CNGA3: variants seen among roughly 807,000 people sequenced by gnomAD.
CNGA3 encodes the protein cyclic nucleotide-gated channel alpha-3.
In CNGA3, 42 loss-of-function variants were observed where a neutral mutation model predicts 46.6. The observed-to-expected ratio is 0.90, with a 90% CI of 0.70 to 1.17. The LOEUF is 1.17. Ranked by LOEUF, CNGA3 falls within the 50% of genes most tolerant of loss-of-function variation. CNGA3 has a pLI of 0.00. For missense variants in CNGA3, 893 were observed against 890.7 expected (o/e 1.00, Z -0.03); for synonymous variants, 394 against 369.4 (o/e 1.07, Z -0.76).
intron 7 of CNGA3, among the ~76,000 whole-genome samples, chr2:98,392,353 A>C (rs942873737): frequency 6.6e-6 from 1 of 152,174 alleles, no homozygotes; most frequent in Non-Finnish European, 1.5e-5. Flanking sequence ...GGAGGTCAGG[A>C]GTTCGAGACC....
chr2:98,390,147 T>C (rs573744460), intron 6 of CNGA3, among the ~76,000 whole-genome samples: 86 of 151,816 alleles, frequency 5.7e-4, no homozygotes, highest in African/African-American at 2.1e-3. Flanking sequence ...TTTTTCTTTT[T>C]TTTTTTGAGA....
chr2:98,354,170 T>C (rs1458371959), intron 1 of CNGA3, among the ~76,000 whole-genome samples: 1 of 152,220 alleles, frequency 6.6e-6, no homozygotes, highest in Non-Finnish European at 1.5e-5. Context: ...ATGTAAATAG[T>C]TTGCACTGTA....
At chr2:98,377,888 G>C (rs1692444882) in intron 3 of CNGA3, 88 bp downstream of exon 3, 2 of 1,350,348 alleles carry the variant, frequency 1.5e-6, no homozygotes, top group Admixed American at 2.2e-5. Context: ...AGTGCTAGAT[G>C]GGGGTGGAGT....
rs1692976937 is a variant in CNGA3 at position 98,398,496 on chromosome 2, T to G, written c.*1241T>G. 1 of 152,164 alleles carries G rather than the reference T, an allele frequency of 6.6e-6. No homozygotes were observed. The highest frequency in any genetic ancestry group is 1.9e-4 in the East Asian group (1 of 5,202). 9.4% of individuals were successfully genotyped at this position (152,164 alleles called of 1,614,324 possible). The stretch of plus-strand genomic sequence containing the variant: ...TCTTCCTTCTTTCTTCCTTTTTCTC[T>G]CTCCTCTTTTCCTCCTCAAAATGTA... On this transcript the variant is annotated 3_prime_UTR_variant, in exon 8 of 8. Coordinates refer to ENST00000272602, the MANE Select transcript of CNGA3 (RefSeq NM_001298.3).
chr2:98,349,225 G>A (rs1329596259), intron 1 of CNGA3, among the ~76,000 whole-genome samples: 1 of 152,048 alleles, frequency 6.6e-6, no homozygotes, highest in African/African-American at 2.4e-5. Flanking sequence ...GGAGGCACAA[G>A]ATGGGCTTTG....
chr2:98,374,106 T>C (rs945273791), intron 2 of CNGA3, among the ~76,000 whole-genome samples: 3 of 152,218 alleles, frequency 2.0e-5, no homozygotes, highest in Non-Finnish European at 4.4e-5. Flanking sequence ...TTTACTCTCA[T>C]GTCCCCAAAA....
At chr2:98,389,869 G>T in intron 6 of CNGA3, 95 bp downstream of exon 6, 1 of 936,004 alleles carries the variant, frequency 1.1e-6, no homozygotes, top group Non-Finnish European at 1.7e-6. Flanking sequence ...GAGGCCTGAG[G>T]CCTGGACCCC....
At position 98,395,904 on chromosome 2, in the gene CNGA3, C is replaced by T. The variant is rs143531659; in HGVS notation, c.734C>T (p.Thr245Met). The T allele has an allele frequency of 5.6e-5, 90 of 1,614,170 alleles. No homozygotes were observed. Among genetic ancestry groups the T allele is most frequent in the African/African-American group, 3.3e-4 (25 of 75,036 alleles). ...DTNRLWQHYK[T>M]TTQFKLDVLS... ...AACAGGCTGTGGCAGCATTACAAGA[C>T]GACCACGCAGTTCAAGCTGGATGTG... Residue 245 changes from threonine to methionine, a missense_variant, in exon 8 of 8, where the codon ACG (threonine) becomes ATG (methionine). By Grantham distance (81) the Thr-to-Met change is moderately conservative. Transcript: ENST00000272602.
chr2:98,371,089 T>C (rs1692275983), intron 2 of CNGA3, among the ~76,000 whole-genome samples: 1 of 152,210 alleles, frequency 6.6e-6, no homozygotes, highest in South Asian at 2.1e-4. Context: ...CCTCCCAAAG[T>C]GCTGGGATTA....
chr2:98,376,824 G>A (rs762457383), intron 2 of CNGA3, among the ~76,000 whole-genome samples: 2 of 152,216 alleles, frequency 1.3e-5, no homozygotes, highest in Non-Finnish European at 2.9e-5. Flanking sequence ...TAATCAGGCT[G>A]ATCAAACTTC....
chr2:98,363,858 T>C (rs1292881026), intron 1 of CNGA3, among the ~76,000 whole-genome samples: 3 of 152,214 alleles, frequency 2.0e-5, no homozygotes, highest in African/African-American at 7.2e-5. Context: ...GTTAATTTTC[T>C]GTCTCGATGA....
intron 2 of CNGA3, among the ~76,000 whole-genome samples, chr2:98,370,987 G>A (rs1007435750): frequency 2.6e-5 from 4 of 152,064 alleles, no homozygotes; most frequent in African/African-American, 9.7e-5. Flanking sequence ...ATCACACCCT[G>A]CTAATTTTTG....
chr2:98,358,119 C>CGGG (rs1691929996), intron 1 of CNGA3, among the ~76,000 whole-genome samples: 1 of 152,206 alleles, frequency 6.6e-6, no homozygotes, highest in Admixed American at 6.5e-5. Flanking sequence ...GTTTCATTAT[C>CGGG]TCATTGGTGA....
chr2:98,376,115 C>CA (rs528395839), intron 2 of CNGA3, among the ~76,000 whole-genome samples: 1 of 151,648 alleles, frequency 6.6e-6, no homozygotes. Flanking sequence ...TACTTAATTC[C>CA]AAAAAAAATC....
rs1382073595 is a variant in CNGA3 at position 98,380,150 on chromosome 2, G to C, written c.216-25G>C. 3.1e-6 allele frequency: 5 copies of C among 1,613,334 alleles called. No individual in the cohort carries two copies. The South Asian group carries it at 5.5e-5, about 18-fold the overall frequency. On this transcript the variant is annotated intron_variant, in intron 3 of 7. Coordinates refer to ENST00000272602, the MANE Select transcript of CNGA3 (RefSeq NM_001298.3). ...GTGGGGGGCTTTTCCTCTCCCTCTG[G>C]CTCAGTGCTTGTGTCACCTTCCAGG...
At chr2:98,357,413 C>T (rs1384779150) in intron 1 of CNGA3, among the ~76,000 whole-genome samples, 1 of 152,198 alleles carries the variant, frequency 6.6e-6, no homozygotes, top group Non-Finnish European at 1.5e-5. Context: ...ACCTGGGAAG[C>T]CTCCTTAATG....
intron 5 of CNGA3, among the ~76,000 whole-genome samples, chr2:98,385,465 C>T (rs1355552878): frequency 2.6e-5 from 4 of 152,164 alleles, no homozygotes; most frequent in African/African-American, 9.7e-5. Flanking sequence ...ACAAAAACTG[C>T]ACTTCATGCT....
intron 4 of CNGA3, among the ~76,000 whole-genome samples, chr2:98,381,247 C>G (rs1177582912): frequency 1.3e-5 from 2 of 152,136 alleles, no homozygotes; most frequent in African/African-American, 4.8e-5. Flanking sequence ...CTGACCTCCC[C>G]TCGGCCTCCC....
rs975466047 is a variant in CNGA3, at chr2:98,379,509, G to A, written c.216-666G>A. ...TGTCTCAGATGAGCTCTAGGGACTGGCACTGTGGTCGCAGGTGTTGGAGCT... is the reference window on the plus strand; with the variant it reads ...TGTCTCAGATGAGCTCTAGGGACTGACACTGTGGTCGCAGGTGTTGGAGCT... On this transcript the variant is annotated intron_variant, in intron 3 of 7. Coordinates refer to ENST00000272602, the MANE Select transcript of CNGA3 (RefSeq NM_001298.3). Among the ~76,000 whole-genome samples, 5 of 152,294 alleles carry A rather than the reference G, an allele frequency of 3.3e-5. No homozygotes were observed. The East Asian group carries it at 9.7e-4, about 29-fold the overall frequency.
Sources: allele counts gnomAD v4.1 joint callset (sites outside exome capture counted in the v4.1 genomes callset), GRCh38; gene constraint gnomAD v4.1.1; transcripts MANE v1.5; gene names NCBI Gene and HGNC (gene_info 2026-07-23, HGNC 2026-07-21).